The following RAD18 variants were observed in gnomAD, a reference collection of about 807,000 sequenced individuals.
The protein encoded by RAD18 is RAD18 E3 ubiquitin protein ligase.
A neutral mutation model predicts 60.4 loss-of-function variants in RAD18; 47 were observed. That is an observed-to-expected ratio of 0.78 (90% confidence interval 0.62 to 0.99). RAD18 has a LOEUF of 0.99. RAD18 is among the 50% of genes least tolerant of loss of function. The probability of loss-of-function intolerance (pLI) is 0.00; values close to 1 mark genes in which losing one functional copy is unlikely to be tolerated. For missense variants in RAD18, 640 were observed against 593.3 expected, an observed-to-expected ratio of 1.08 and a Z score of -0.82; for synonymous variants, 225 against 195.5, an observed-to-expected ratio of 1.15 and a Z score of -1.26.
chr3:8,895,014 CAA>C (rs1398791486), intron 11 of RAD18, among the ~76,000 whole-genome samples: 3 of 151,964 alleles, frequency 2.0e-5, no homozygotes, highest in Non-Finnish European at 4.4e-5. Flanking sequence ...CTTGGCCTCC[CAA>C]AGTGCTGGGA....
chr3:8,882,368 T>C (rs1378342286), intron 12 of RAD18, among the ~76,000 whole-genome samples: 3 of 152,186 alleles, frequency 2.0e-5, no homozygotes, highest in East Asian at 3.9e-4. Flanking sequence ...CTAAAACCTC[T>C]ACCTTACAGG....
At chr3:8,900,034 T>C (rs188698403) in intron 10 of RAD18, among the ~76,000 whole-genome samples, 53 of 152,296 alleles carry the variant, frequency 3.5e-4, no homozygotes, top group African/African-American at 1.3e-3. Context: ...ACATAACAAA[T>C]TCTTCAAAAA....
At chr3:8,928,377 T>A (rs973332693) in intron 7 of RAD18, among the ~76,000 whole-genome samples, 2 of 152,100 alleles carry the variant, frequency 1.3e-5, no homozygotes, top group African/African-American at 4.8e-5. Context: ...AATTTAATGG[T>A]AGAGCTTGTC....
intron 7 of RAD18, among the ~76,000 whole-genome samples, chr3:8,920,071 A>C (rs1211689362): frequency 6.6e-6 from 1 of 152,200 alleles, no homozygotes; most frequent in Non-Finnish European, 1.5e-5. Flanking sequence ...TCACGAGGTC[A>C]GGAGATTGAG....
intron 1 of RAD18, among the ~76,000 whole-genome samples, chr3:8,960,315 A>G (rs1458551563): frequency 6.6e-6 from 1 of 152,218 alleles, no homozygotes; most frequent in East Asian, 1.9e-4. Context: ...AAAAGAAAAA[A>G]AGGAAAAAAG....
At chr3:8,936,099 A>C (rs766913374) in intron 6 of RAD18, 44 bp from the exon 7 acceptor site, 3 of 1,391,350 alleles carry the variant, frequency 2.2e-6, no homozygotes, top group Non-Finnish European at 2.9e-6. Flanking sequence ...TGAATTATCA[A>C]ATGCTTTTCA....
rs181039968 is a variant in RAD18 at position 8,880,123 on chromosome 3, C to G, written c.*1234G>C. ...ATTATTATGACAAATTTTTCTATAG[C>G]CATTTCTAACACAGGGAACTCATAA... On this transcript the variant is annotated 3_prime_UTR_variant, in exon 13 of 13. Transcript: ENST00000264926. 9 of 152,254 alleles carry G rather than the reference C, an allele frequency of 5.9e-5. No individual in the cohort carries two copies. The East Asian group carries it at 1.7e-3, about 29-fold the overall frequency. 9.4% of individuals were successfully genotyped at this position (152,254 alleles called of 1,614,324 possible).
chr3:8,940,619 T>C (rs1391457005), intron 5 of RAD18, among the ~76,000 whole-genome samples: 1 of 152,162 alleles, frequency 6.6e-6, no homozygotes, highest in African/African-American at 2.4e-5. Context: ...GGAAAGAAGA[T>C]ACAGAAACAA....
At chr3:8,905,698 T>C (rs1323302758) in intron 9 of RAD18, among the ~76,000 whole-genome samples, 2 of 152,232 alleles carry the variant, frequency 1.3e-5, no homozygotes, top group Non-Finnish European at 2.9e-5. Flanking sequence ...TTTAATTTCA[T>C]GATCATAATT....
At chr3:8,946,544 T>C (rs45452292) in intron 4 of RAD18, among the ~76,000 whole-genome samples, 1,627 of 152,346 alleles carry the variant, frequency 0.011, 34 homozygotes, top group African/African-American at 0.037. Flanking sequence ...ATCCAAGATA[T>C]TGAAACATGC....
At chr3:8,904,670 T>A (rs1939973003) in intron 9 of RAD18, among the ~76,000 whole-genome samples, 1 of 152,210 alleles carries the variant, frequency 6.6e-6, no homozygotes, top group Non-Finnish European at 1.5e-5. Context: ...AATTATCTTG[T>A]ATTTCTCTGG....
intron 2 of RAD18, 70 bp from the exon 3 acceptor site, chr3:8,948,640 A>G: frequency 7.5e-7 from 1 of 1,338,434 alleles, no homozygotes; most frequent in Non-Finnish European, 1.1e-6. Flanking sequence ...GACTTCTAAC[A>G]AAATCTTAAG....
intron 12 of RAD18, among the ~76,000 whole-genome samples, chr3:8,882,553 G>A (rs912486782): frequency 6.6e-5 from 10 of 152,100 alleles, no homozygotes; most frequent in African/African-American, 1.4e-4. Context: ...AGTGAACCCC[G>A]GCTGTTTCCC....
intron 6 of RAD18, among the ~76,000 whole-genome samples, chr3:8,937,398 T>C (rs775220293): frequency 3.3e-5 from 5 of 152,178 alleles, no homozygotes; most frequent in Non-Finnish European, 7.3e-5. Context: ...CTGATAAATG[T>C]TTCCCCAAAC....
At chr3:8,938,616 T>G (rs1575556552) in intron 6 of RAD18, among the ~76,000 whole-genome samples, 1 of 152,172 alleles carries the variant, frequency 6.6e-6, no homozygotes, top group Non-Finnish European at 1.5e-5. Flanking sequence ...CCTTTCTGCA[T>G]GTCAAGGATA....
chr3:8,894,045 C>A (rs1219265166), intron 11 of RAD18, among the ~76,000 whole-genome samples: 1 of 152,094 alleles, frequency 6.6e-6, no homozygotes, highest in Non-Finnish European at 1.5e-5. Context: ...CCCCACTTGA[C>A]AAAGGCTGAG....
intron 4 of RAD18, among the ~76,000 whole-genome samples, chr3:8,944,618 G>A (rs1038199686): frequency 4.0e-5 from 6 of 148,684 alleles, no homozygotes; most frequent in African/African-American, 1.2e-4. Flanking sequence ...GGAGGAGGGA[G>A]GGAGAAAGGA....
intron 9 of RAD18, among the ~76,000 whole-genome samples, chr3:8,906,320 A>C (rs565352398): frequency 6.6e-6 from 1 of 152,316 alleles, no homozygotes; most frequent in South Asian, 2.1e-4. Flanking sequence ...AACTTTAAAA[A>C]ACAAGCAAAC....
intron 7 of RAD18, among the ~76,000 whole-genome samples, chr3:8,914,197 A>G (rs1234965653): frequency 3.3e-5 from 5 of 152,204 alleles, no homozygotes; most frequent in African/African-American, 1.2e-4. Context: ...TACCAATCCA[A>G]TTACATACAT....
Sources: allele counts gnomAD v4.1 joint callset (sites outside exome capture counted in the v4.1 genomes callset), GRCh38; gene constraint gnomAD v4.1.1; transcripts MANE v1.5; gene names NCBI Gene and HGNC (gene_info 2026-07-23, HGNC 2026-07-21).